The following RCHY1 variants were observed in gnomAD, a reference collection of about 807,000 sequenced individuals.
RCHY1 encodes RING finger and CHY zinc finger domain-containing protein 1.
Under a neutral mutation model 41.6 loss-of-function variants are expected in RCHY1, and 21 were observed. The ratio of observed to expected loss-of-function variants is 0.51; its 90% confidence interval spans 0.36 to 0.73. The LOEUF is 0.73. Among genes scored for constraint, RCHY1 ranks in the 30% least tolerant of loss-of-function variants. The pLI is 0.00. For synonymous variants in RCHY1, 79 were observed against 102.9 expected (o/e 0.77, Z 1.41); for missense variants, 265 against 325.3 (o/e 0.81, Z 1.43).
At chr4:75,511,637 T>G (rs1254430071) in intron 1 of RCHY1, among the ~76,000 whole-genome samples, 3 of 152,118 alleles carry the variant, frequency 2.0e-5, no homozygotes, top group African/African-American at 7.2e-5. Context: ...ATTCAAGGGT[T>G]GAGATTTGGT....
chr4:75,490,552 A>G, intron 8 of RCHY1, 29 bp downstream of exon 8: 1 of 1,588,016 alleles, frequency 6.3e-7, no homozygotes, highest in Non-Finnish European at 8.6e-7. Flanking sequence ...CAAGGAGTCT[A>G]CAAAGTTTTA....
At chr4:75,506,814 T>A (rs913996754) in intron 3 of RCHY1, among the ~76,000 whole-genome samples, 3 of 151,954 alleles carry the variant, frequency 2.0e-5, no homozygotes, top group Non-Finnish European at 4.4e-5. Context: ...CCAAGCCAGA[T>A]AAATATTACA....
intron 1 of RCHY1, chr4:75,513,841 A>C: frequency 5.8e-6 from 1 of 170,980 alleles, no homozygotes; most frequent in Non-Finnish European, 1.2e-5. Context: ...TATTTCCATT[A>C]TCTCCACTTC....
upstream of RCHY1, chr4:75,514,425 G>A (rs1420801827): frequency 2.1e-6 from 2 of 972,978 alleles, no homozygotes; most frequent in South Asian, 2.0e-5. Context: ...ACGTGACCCG[G>A]GGCAGACGGA....
At chr4:75,483,408 G>C (rs1461214741) in intron 8 of RCHY1, among the ~76,000 whole-genome samples, 1 of 152,102 alleles carries the variant, frequency 6.6e-6, no homozygotes, top group African/African-American at 2.4e-5. Flanking sequence ...GATCTAAATG[G>C]AGAAAGTGGA....
At position 75,514,376 on chromosome 4, in the gene RCHY1, C is replaced by G; in HGVS notation, c.-90G>C. The G allele has an allele frequency of 7.1e-7, 1 of 1,416,382 alleles. No homozygotes were observed. Among genetic ancestry groups the G allele is most frequent in the Non-Finnish European group, 9.5e-7 (1 of 1,050,900 alleles). 87.7% of individuals were successfully genotyped at this position (1,416,382 alleles called of 1,614,324 possible). On this transcript the variant is annotated 5_prime_UTR_variant, in exon 1 of 9. Transcript: ENST00000324439. The stretch of plus-strand genomic sequence containing the variant: ...CTGCGCCTCTCTAGCACACCCCTCC[C>G]AGCCCCAGCGGCCACTAGCGACAAT...
In RCHY1 at chr4:75,480,470, GTGTC is replaced by G. The variant is rs1721433108; in HGVS notation, c.*2064_*2067del. ...ATCTGATTCCCAACTCCAACATATA[GTGTC>G]TGTTATTTACCCCCAATGTGTCATT... is the stretch of plus-strand genomic sequence containing the variant. On this transcript the variant is annotated 3_prime_UTR_variant, in exon 9 of 9. Coordinates refer to ENST00000324439, the MANE Select transcript of RCHY1 (RefSeq NM_015436.4). 6.6e-6 allele frequency: 1 copy of G among 152,124 alleles called. No individual in the cohort carries two copies. Among genetic ancestry groups the G allele is most frequent in the Non-Finnish European group, 1.5e-5 (1 of 68,032 alleles). The allele number at this position is 152,124 out of a possible 1,614,324, so 9.4% of individuals were successfully genotyped here. A position where few individuals can be genotyped will look rare whatever the true frequency, so the allele number is the denominator to read the frequency against.
upstream of RCHY1, chr4:75,514,465 G>A (rs376664965): frequency 4.8e-6 from 3 of 621,988 alleles, no homozygotes; most frequent in Non-Finnish European, 5.3e-6. Context: ...CGAGGCGGAA[G>A]CGAAGGCAGA....
At chr4:75,510,245 A>G (rs1300156910) in intron 1 of RCHY1, among the ~76,000 whole-genome samples, 3 of 152,184 alleles carry the variant, frequency 2.0e-5, no homozygotes, top group Non-Finnish European at 4.4e-5. Flanking sequence ...TACAACAGAA[A>G]AATCTCATCC....
At chr4:75,495,669 G>A (rs898414266) in intron 3 of RCHY1, among the ~76,000 whole-genome samples, 1 of 152,016 alleles carries the variant, frequency 6.6e-6, no homozygotes, top group Non-Finnish European at 1.5e-5. Flanking sequence ...CTGAGTTCCT[G>A]TTTAGCTACA....
chr4:75,514,648 T>A, upstream of RCHY1: 1 of 196,664 alleles, frequency 5.1e-6, no homozygotes, highest in South Asian at 1.3e-4. Flanking sequence ...GGACGCTCAC[T>A]GGGCGCATCG....
At chr4:75,497,635 G>A (rs1214759674) in intron 3 of RCHY1, among the ~76,000 whole-genome samples, 2 of 151,294 alleles carry the variant, frequency 1.3e-5, no homozygotes, top group African/African-American at 4.9e-5. Context: ...ACTCTGTTAA[G>A]TTTAATTTGT....
chr4:75,486,987 A>T (rs1336110271), intron 8 of RCHY1, among the ~76,000 whole-genome samples: 3 of 152,150 alleles, frequency 2.0e-5, no homozygotes, highest in Admixed American at 6.5e-5. Context: ...TAAAAAAAAA[A>T]TTTTGGTCTA....
intron 3 of RCHY1, among the ~76,000 whole-genome samples, chr4:75,504,759 G>C (rs1578233491): frequency 6.6e-6 from 1 of 151,946 alleles, no homozygotes; most frequent in South Asian, 2.1e-4. Context: ...TTAAAATTTG[G>C]GTTTGCAGTG....
In RCHY1 at chr4:75,514,271, G is replaced by A. The variant is rs532274054; in HGVS notation, c.16C>T (p.Arg6Trp). ...TCTTGACCGCTGGCGCCATCTTCCC[G>A]GGCCGTCGCCGCCATCTCCTCCACC... MAATAREDGASGQERG... is the reference protein window; with the variant it reads MAATAWEDGASGQERG... Residue 6 changes from arginine (R) to tryptophan (W), a missense_variant, in exon 1 of 9, where the codon CGG (arginine) becomes TGG (tryptophan). Transcript: ENST00000324439. The A allele has an allele frequency of 1.9e-6, 3 of 1,612,362 alleles. No homozygotes were observed. Among genetic ancestry groups the A allele is most frequent in the Admixed American group, 1.7e-5 (1 of 59,996 alleles).
At chr4:75,495,906 C>T (rs1723162104) in intron 3 of RCHY1, among the ~76,000 whole-genome samples, 1 of 145,082 alleles carries the variant, frequency 6.9e-6, no homozygotes, top group South Asian at 2.1e-4. Flanking sequence ...TGTGTATATA[C>T]ACACACACAT....
chr4:75,502,947 G>C (rs1723928244), intron 3 of RCHY1, among the ~76,000 whole-genome samples: 2 of 150,352 alleles, frequency 1.3e-5, no homozygotes, highest in Non-Finnish European at 3.0e-5. Context: ...ACACAGTTGA[G>C]AAATCAGAAT....
In RCHY1 at chr4:75,491,915, G is replaced by A. The variant is rs755777897; in HGVS notation, c.424C>T (p.Arg142Ter). 85 of 1,606,404 alleles carry A rather than the reference G, an allele frequency of 5.3e-5. No homozygotes were observed. The highest frequency in any genetic ancestry group is 6.8e-5 in the Non-Finnish European group (80 of 1,177,160). The change falls in exon 5 of 9, where the codon CGA (arginine) becomes TGA (stop). Residue 142 changes from arginine (R) to a stop codon, truncating the protein, a stop_gained. Coordinates refer to ENST00000324439, the MANE Select transcript of RCHY1 (RefSeq NM_015436.4). LOFTEE classifies it high-confidence loss of function. ...TCCAAACATATTGGACAATTCTGTC[G>A]GGACACATTTTCAATACACTGTTTA... ...GRHKCIENVSRQNCPICLEDI... is the reference protein window; with the variant it reads ...GRHKCIENVS
intron 1 of RCHY1, among the ~76,000 whole-genome samples, chr4:75,511,227 T>C (rs1176825690): frequency 1.3e-5 from 2 of 152,166 alleles, no homozygotes; most frequent in African/African-American, 4.8e-5. Flanking sequence ...ACATGCAATA[T>C]CAAAAAATCA....
Sources: gnomAD v4.1 joint callset for allele counts (sites outside exome capture counted in the v4.1 genomes callset) on GRCh38, gnomAD v4.1.1 for gene constraint, MANE v1.5 for transcripts, NCBI Gene and HGNC (gene_info 2026-07-23, HGNC 2026-07-21) for gene names.